The following HDLBP variants were observed in gnomAD, a reference collection of about 807,000 sequenced individuals.
HDLBP encodes high density lipoprotein binding protein.
HDLBP carries 30 observed loss-of-function variants against 137.3 expected under a neutral mutation model. The observed-to-expected ratio is 0.22, with a 90% CI of 0.16 to 0.30. HDLBP has a LOEUF of 0.30. Among genes scored for constraint, HDLBP ranks in the 10% least tolerant of loss-of-function variants. HDLBP has a pLI of 1.00. For synonymous variants in HDLBP, 606 were observed against 596.0 expected, an observed-to-expected ratio of 1.02 and a Z score of -0.24; for missense variants, 1,119 against 1,667.3, an observed-to-expected ratio of 0.67 and a Z score of 5.73.
chr2:241,310,605 C>T (rs2075730006), intron 1 of HDLBP, among the ~76,000 whole-genome samples: 1 of 151,624 alleles, frequency 6.6e-6, no homozygotes, highest in Non-Finnish European at 1.5e-5. Context: ...GAAAAAGAAA[C>T]CTTAAGAAAA....
intron 15 of HDLBP, 59 bp downstream of exon 15, chr2:241,246,997 G>T: frequency 6.4e-7 from 1 of 1,560,256 alleles, no homozygotes; most frequent in Non-Finnish European, 8.8e-7. Context: ...AAACCAAAAT[G>T]GTGCAGGGCT....
At chr2:241,281,093 C>T (rs557836083) in intron 1 of HDLBP, among the ~76,000 whole-genome samples, 45 of 152,294 alleles carry the variant, frequency 3.0e-4, no homozygotes, top group African/African-American at 6.5e-4. Context: ...CGGTGGCTCA[C>T]GCCTGTAATC....
intron 1 of HDLBP, among the ~76,000 whole-genome samples, chr2:241,277,321 T>G (rs1341872337): frequency 1.3e-5 from 2 of 151,512 alleles, no homozygotes; most frequent in Non-Finnish European, 2.9e-5. Flanking sequence ...AAAAGAAAGG[T>G]AGAAGGAAAT....
chr2:241,312,288 C>G (rs2075777681), intron 1 of HDLBP, among the ~76,000 whole-genome samples: 1 of 152,212 alleles, frequency 6.6e-6, no homozygotes. Context: ...GAACAAATGT[C>G]TAGCTCATCT....
chr2:241,263,090 A>C (rs1470967491), intron 4 of HDLBP, among the ~76,000 whole-genome samples, 164 bp from the exon 5 acceptor site: 1 of 152,236 alleles, frequency 6.6e-6, no homozygotes, highest in African/African-American at 2.4e-5. Flanking sequence ...AGACAAGGAG[A>C]AAGGGCCAAG....
In HDLBP at chr2:241,272,916, C is replaced by T. The variant is rs1010309182; in HGVS notation, c.-102-4375G>A. On this transcript the variant is annotated intron_variant, in intron 1 of 27. Transcript: ENST00000310931. This position sits in a 1 kb window ranked among gnomAD's most constrained non-coding sequence, Gnocchi z 5.6. ...ACGTCAGCGCCCGCCCGCCCCGCCG[C>T]TGGGGTCCCCGCCGCCCCGGGCCGC... 7.2e-5 allele frequency: 50 copies of T among 692,998 alleles called. No individual in the cohort carries two copies. In the African/African-American group the frequency reaches 8.8e-4, roughly 12 times the overall value. The allele number at this position is 692,998 out of a possible 1,614,324, so 42.9% of individuals were successfully genotyped here.
At chr2:241,241,355 CAGG>C (rs1214652689) in intron 17 of HDLBP, among the ~76,000 whole-genome samples, 11 of 152,062 alleles carry the variant, frequency 7.2e-5, no homozygotes, top group Middle Eastern at 3.4e-3. Flanking sequence ...ATCACGAGGT[CAGG>C]AGATCGAGAC....
At chr2:241,236,191 G>A (rs1268509284) in intron 21 of HDLBP, 1 of 218,006 alleles carries the variant, frequency 4.6e-6, no homozygotes, top group Non-Finnish European at 9.1e-6. Flanking sequence ...CTGTGGCACC[G>A]CAGCACTGAG....
intron 12 of HDLBP, among the ~76,000 whole-genome samples, chr2:241,248,957 C>G (rs2071894938): frequency 6.6e-6 from 1 of 152,094 alleles, no homozygotes; most frequent in South Asian, 2.1e-4. Flanking sequence ...CTGAGAGATT[C>G]TGGATCAAAC....
intron 24 of HDLBP, chr2:241,231,416 A>G (rs1440673734): frequency 1.3e-5 from 2 of 153,220 alleles, no homozygotes; most frequent in Non-Finnish European, 2.9e-5. Flanking sequence ...AACACCCCAC[A>G]AAAAACCTAT....
At chr2:241,293,113 A>C (rs1330739301) in intron 1 of HDLBP, among the ~76,000 whole-genome samples, 1 of 152,218 alleles carries the variant, frequency 6.6e-6, no homozygotes, top group Non-Finnish European at 1.5e-5. Context: ...TCAAACTTGT[A>C]AACTTTATTA....
chr2:241,255,222 G>A, intron 8 of HDLBP, 64 bp from the exon 9 acceptor site: 1 of 1,530,656 alleles, frequency 6.5e-7, no homozygotes, highest in Non-Finnish European at 9.1e-7. Flanking sequence ...GTGAAAGCCA[G>A]GCTGCTCACC....
chr2:241,253,233 G>A (rs894465508), intron 10 of HDLBP, 160 bp downstream of exon 10: 60 of 684,964 alleles, frequency 8.8e-5, no homozygotes, highest in African/African-American at 2.1e-4. Context: ...CCAGGACTTC[G>A]ACCAGCTTCT....
rs141272597 is a variant in HDLBP, at chr2:241,255,313, T to A, written c.1080+61A>T. 2.7e-5 allele frequency: 40 copies of A among 1,498,092 alleles called. No individual in the cohort carries two copies. In the East Asian group the frequency reaches 9.0e-4, roughly 34 times the overall value. 92.8% of individuals were successfully genotyped at this position (1,498,092 alleles called of 1,614,324 possible). On this transcript the variant is annotated intron_variant, in intron 8 of 27. Coordinates refer to ENST00000310931, the MANE Select transcript of HDLBP (RefSeq NM_005336.6). ...CCAGGATTTACAAATCGAGAGCTCA[T>A]CCATGAAGGCCCCGCGGACTCCACT...
intron 14 of HDLBP, chr2:241,247,392 G>A (rs1056153200): frequency 2.0e-6 from 1 of 506,798 alleles, no homozygotes; most frequent in African/African-American, 1.9e-5. Flanking sequence ...GCCAGGATCA[G>A]AGCTGGTTAA....
intron 9 of HDLBP, 121 bp from the exon 10 acceptor site, chr2:241,253,618 G>A: frequency 1.5e-6 from 1 of 683,676 alleles, no homozygotes; most frequent in Non-Finnish European, 2.7e-6. Context: ...ATAGATGTGA[G>A]GGAGGGAGGG....
chr2:241,229,816 A>G lies in HDLBP; in HGVS notation c.3720+17T>C. The G allele has an allele frequency of 1.7e-6, 1 of 593,206 alleles. No individual in the cohort carries two copies. Among genetic ancestry groups the G allele is most frequent in the Non-Finnish European group, 2.9e-6 (1 of 346,296 alleles). The allele number at this position is 593,206 out of a possible 1,614,324, so 36.7% of individuals were successfully genotyped here. A position where few individuals can be genotyped will look rare whatever the true frequency, so the allele number is the denominator to read the frequency against. ...CACCCTCCCTGGGACCCAGGAGGGC[A>G]GAAGCCCGCATCTGACCTTCTCACT... is the stretch of plus-strand genomic sequence containing the variant. On this transcript the variant is annotated intron_variant, in intron 27 of 27. Transcript: ENST00000310931.
At position 241,229,691 on chromosome 2, in the gene HDLBP, T is replaced by G. The variant is rs1166682135; in HGVS notation, c.3721-4A>C. 1.2e-6 allele frequency: 2 copies of G among 1,613,976 alleles called. No homozygotes were observed. The highest frequency in any genetic ancestry group is 1.7e-6 in the Non-Finnish European group (2 of 1,179,890). On this transcript the variant is annotated splice_region_variant and splice_polypyrimidine_tract_variant and intron_variant, in intron 27 of 27. Transcript: ENST00000310931. ...CAGAGCTGCTCATGTCAGGAGCCTG[T>G]GCAGAGAGAGGACACGGCTTCAGGA...
At chr2:241,254,995 CAGAA>C (rs2072498702) in intron 9 of HDLBP, 52 bp downstream of exon 9, 2 of 1,331,186 alleles carry the variant, frequency 1.5e-6, no homozygotes, top group South Asian at 2.4e-5. Context: ...ATATCAGAAA[CAGAA>C]AGACAGAAAA....
Sources: allele counts gnomAD v4.1 joint callset (sites outside exome capture counted in the v4.1 genomes callset), GRCh38; gene constraint gnomAD v4.1.1; non-coding constraint Gnocchi (gnomAD v3.1); transcripts MANE v1.5; gene names NCBI Gene and HGNC (gene_info 2026-07-23, HGNC 2026-07-21).